Variants in ZNF385D observed in about 807,000 individuals in gnomAD.
ZNF385D encodes zinc finger protein 385D.
Under a neutral mutation model 35.8 loss-of-function variants are expected in ZNF385D, and 15 were observed. That is an observed-to-expected ratio of 0.42 (90% confidence interval 0.28 to 0.64). The LOEUF (loss-of-function observed/expected upper bound fraction) is 0.64. Ranked by LOEUF, ZNF385D falls within the 30% of genes least tolerant of loss-of-function variation. The pLI, the probability that ZNF385D is intolerant of heterozygous loss-of-function variation, is 0.23. For synonymous variants in ZNF385D, 212 were observed against 186.8 expected, an observed-to-expected ratio of 1.13 and a Z score of -1.10; for missense variants, 474 against 494.6, an observed-to-expected ratio of 0.96 and a Z score of 0.39.
chr3:22,031,294 T>C (rs989593288), intron 3 of ZNF385D, among the ~76,000 whole-genome samples: 1 of 152,230 alleles, frequency 6.6e-6, no homozygotes, highest in African/African-American at 2.4e-5. Context: ...TTCCCTTGCA[T>C]ATTGCCCTAG....
At chr3:21,460,891 G>C (rs9941994) in intron 4 of ZNF385D, among the ~76,000 whole-genome samples, 3,195 of 152,204 alleles carry the variant, frequency 0.021, 108 homozygotes, top group African/African-American at 0.073. Context: ...AAAATATTAA[G>C]TTGTTTACCT....
chr3:21,806,034 C>T (rs1236297014), intron 3 of ZNF385D, among the ~76,000 whole-genome samples: 1 of 152,048 alleles, frequency 6.6e-6, no homozygotes, highest in Non-Finnish European at 1.5e-5. Context: ...GGCATACAGC[C>T]TTGTTCTCAT....
intron 4 of ZNF385D, among the ~76,000 whole-genome samples, chr3:21,488,713 A>T (rs1007069590): frequency 5.9e-5 from 9 of 152,072 alleles, no homozygotes; most frequent in South Asian, 2.1e-4. Context: ...AAATGGCATT[A>T]AAAAAATGGC....
intron 3 of ZNF385D, among the ~76,000 whole-genome samples, chr3:21,872,760 T>G (rs1385122026): frequency 2.6e-5 from 4 of 152,086 alleles, no homozygotes; most frequent in Non-Finnish European, 5.9e-5. Flanking sequence ...TAACAATCTG[T>G]CTTCAGCAAA....
At chr3:22,242,500 A>G (rs558949390) in intron 2 of ZNF385D, among the ~76,000 whole-genome samples, 1 of 151,098 alleles carries the variant, frequency 6.6e-6, no homozygotes, top group Non-Finnish European at 1.5e-5. Context: ...CCCGAAATCA[A>G]TAATTCCAAT....
At chr3:22,086,082 C>A (rs1270162227) in intron 3 of ZNF385D, among the ~76,000 whole-genome samples, 2 of 152,130 alleles carry the variant, frequency 1.3e-5, no homozygotes, top group African/African-American at 2.4e-5. Flanking sequence ...TATGACAAAT[C>A]CATAGCCCAT....
At chr3:21,995,778 G>A (rs922737835) in intron 3 of ZNF385D, among the ~76,000 whole-genome samples, 3 of 151,990 alleles carry the variant, frequency 2.0e-5, no homozygotes, top group South Asian at 4.1e-4. Flanking sequence ...ACATTCAGGG[G>A]CAAGGAGCCC....
At chr3:21,953,825 G>T (rs952568275) in intron 3 of ZNF385D, among the ~76,000 whole-genome samples, 1 of 151,998 alleles carries the variant, frequency 6.6e-6, no homozygotes, top group Admixed American at 6.6e-5. Flanking sequence ...AAAAATTAGA[G>T]TAAGTGATTT....
chr3:22,227,504 T>G (rs1224195584), intron 2 of ZNF385D, among the ~76,000 whole-genome samples: 1 of 152,186 alleles, frequency 6.6e-6, no homozygotes, highest in African/African-American at 2.4e-5. Context: ...GATCACATTT[T>G]GACACAGTTG....
intron 3 of ZNF385D, among the ~76,000 whole-genome samples, chr3:21,896,965 G>T (rs1228335889): frequency 6.6e-6 from 1 of 152,086 alleles, no homozygotes; most frequent in Non-Finnish European, 1.5e-5. Flanking sequence ...TCTGATGGCT[G>T]TGTTTGTAGG....
intron 3 of ZNF385D, among the ~76,000 whole-genome samples, chr3:21,930,709 C>A (rs1294269166): frequency 6.6e-6 from 1 of 152,034 alleles, no homozygotes; most frequent in Non-Finnish European, 1.5e-5. Flanking sequence ...GAAGCCAAGG[C>A]AAGTCAGTGA....
chr3:21,621,681 G>A (rs1011306484), intron 2 of ZNF385D, among the ~76,000 whole-genome samples: 2 of 151,338 alleles, frequency 1.3e-5, no homozygotes, highest in African/African-American at 4.9e-5. Flanking sequence ...CAAGGACAGA[G>A]GCATGTGAGC....
intron 1 of ZNF385D, among the ~76,000 whole-genome samples, chr3:21,686,722 G>GT (rs1195570355): frequency 1.3e-5 from 2 of 152,176 alleles, no homozygotes; most frequent in African/African-American, 4.8e-5. Context: ...TGGCTATTGT[G>GT]TTTGTCAGTG....
At chr3:22,279,858 C>T (rs916928907) in intron 2 of ZNF385D, among the ~76,000 whole-genome samples, 33 of 151,946 alleles carry the variant, frequency 2.2e-4, no homozygotes, top group Admixed American at 2.2e-3. Context: ...TAAGGAATCT[C>T]CACACTGTTT....
chr3:21,493,946 A>G (rs1359246016), intron 4 of ZNF385D, among the ~76,000 whole-genome samples: 2 of 152,174 alleles, frequency 1.3e-5, no homozygotes, highest in Non-Finnish European at 2.9e-5. Flanking sequence ...TTGAAAAATT[A>G]ACATTTGACT....
chr3:21,768,471 T>C lies in ZNF385D; in HGVS notation c.326-103443A>G, dbSNP rs5018365. On this transcript the variant is annotated intron_variant, in intron 3 of 5. Coordinates refer to the ZNF385D transcript ENST00000494108. ...AACTCTTTTGGAACTCTGGAGTCTA[T>C]TGAAGGCTTCAAACTTCCAGGAGAA... Among the ~76,000 whole-genome samples the C allele has an allele frequency of 4.6e-3, 706 of 152,010 alleles. 7 individuals are homozygous for C. The highest frequency in any genetic ancestry group is 0.015 in the African/African-American group (642 of 41,512).
intron 3 of ZNF385D, among the ~76,000 whole-genome samples, chr3:22,050,575 T>G (rs919151851): frequency 1.3e-5 from 2 of 152,212 alleles, no homozygotes; most frequent in African/African-American, 4.8e-5. Context: ...TTTGGTAGAT[T>G]GTATGTATTG....
intron 2 of ZNF385D, among the ~76,000 whole-genome samples, chr3:22,347,451 G>A (rs567988914): frequency 8.0e-4 from 122 of 152,214 alleles, no homozygotes; most frequent in African/African-American, 2.9e-3. Context: ...AGCCCCCAAG[G>A]AAGAGAAAGT....
chr3:22,146,118 G>C (rs985634991), intron 3 of ZNF385D, among the ~76,000 whole-genome samples: 1 of 152,066 alleles, frequency 6.6e-6, no homozygotes, highest in African/African-American at 2.4e-5. Flanking sequence ...AGTACTTCAG[G>C]AGTCATGCAA....
Sources: allele counts gnomAD v4.1 joint callset (sites outside exome capture counted in the v4.1 genomes callset), GRCh38; gene constraint gnomAD v4.1.1; transcripts MANE v1.5; gene names NCBI Gene and HGNC (gene_info 2026-07-23, HGNC 2026-07-21).